The following LPP variants were observed in gnomAD, a reference collection of about 807,000 sequenced individuals.
LPP encodes LIM domain containing preferred translocation partner in lipoma.
Under a neutral mutation model 60.4 loss-of-function variants are expected in LPP, and 38 were observed. The ratio of observed to expected loss-of-function variants is 0.63; its 90% confidence interval spans 0.49 to 0.83. The LOEUF (loss-of-function observed/expected upper bound fraction) is 0.83. LPP is among the 40% of genes least tolerant of loss of function. The probability of loss-of-function intolerance (pLI) is 0.00; values close to 1 mark genes in which losing one functional copy is unlikely to be tolerated. For missense variants in LPP, 902 were observed against 783.6 expected, an observed-to-expected ratio of 1.15 and a Z score of -1.80; for synonymous variants, 328 against 290.8, an observed-to-expected ratio of 1.13 and a Z score of -1.30.
intron 9 of LPP, among the ~76,000 whole-genome samples, chr3:188,768,521 G>C (rs1309072362): frequency 6.6e-6 from 1 of 152,030 alleles, no homozygotes; most frequent in East Asian, 1.9e-4. Flanking sequence ...AGAAAAACTA[G>C]TAATCTCCAT....
At chr3:188,608,600 T>A (rs1006333083) in intron 6 of LPP, among the ~76,000 whole-genome samples, 1 of 152,220 alleles carries the variant, frequency 6.6e-6, no homozygotes, top group Non-Finnish European at 1.5e-5. Flanking sequence ...AAATTAGGAA[T>A]TGTAATGCCT....
intron 8 of LPP, among the ~76,000 whole-genome samples, chr3:188,722,493 T>A (rs539180034): frequency 6.6e-6 from 1 of 152,314 alleles, no homozygotes; most frequent in South Asian, 2.1e-4. Context: ...GTGTAAGTCA[T>A]CTTTTCTGTG....
intron 5 of LPP, among the ~76,000 whole-genome samples, chr3:188,493,539 C>A (rs1809004796): frequency 2.0e-5 from 3 of 151,990 alleles, no homozygotes; most frequent in Admixed American, 2.0e-4. Flanking sequence ...GGTGATCCTC[C>A]TGCCTCAACC....
intron 2 of LPP, among the ~76,000 whole-genome samples, chr3:188,236,545 A>G (rs989856302): frequency 2.0e-5 from 3 of 152,202 alleles, no homozygotes; most frequent in African/African-American, 7.2e-5. Flanking sequence ...AGTAAGACAT[A>G]CATGAGAGAT....
chr3:188,355,832 C>T (rs202112557), intron 3 of LPP, among the ~76,000 whole-genome samples: 5 of 152,160 alleles, frequency 3.3e-5, no homozygotes, highest in Non-Finnish European at 7.4e-5. Context: ...GCTCAACACT[C>T]TCGTAGGCTC....
intron 1 of LPP, among the ~76,000 whole-genome samples, chr3:188,196,621 A>G (rs937622864): frequency 2.0e-5 from 3 of 152,142 alleles, no homozygotes; most frequent in Admixed American, 6.5e-5. Flanking sequence ...TTCCTGAGTG[A>G]TATTCCAAAA....
At chr3:188,679,956 A>G (rs933549969) in intron 7 of LPP, among the ~76,000 whole-genome samples, 4 of 152,046 alleles carry the variant, frequency 2.6e-5, no homozygotes, top group Admixed American at 2.0e-4. Flanking sequence ...ACTACCTTCT[A>G]AAGTTCATTG....
At chr3:188,590,372 C>T (rs1011929986) in intron 6 of LPP, among the ~76,000 whole-genome samples, 3 of 152,012 alleles carry the variant, frequency 2.0e-5, no homozygotes, top group African/African-American at 7.2e-5. Flanking sequence ...CAGGAGTTTG[C>T]GACCAGCCTG....
intron 7 of LPP, among the ~76,000 whole-genome samples, chr3:188,696,451 G>A (rs976981487): frequency 2.0e-5 from 3 of 151,934 alleles, no homozygotes; most frequent in Non-Finnish European, 4.4e-5. Flanking sequence ...TGGGCAACAC[G>A]GTGAAACCCT....
chr3:188,699,257 G>C (rs567800592), intron 7 of LPP, among the ~76,000 whole-genome samples: 2 of 152,182 alleles, frequency 1.3e-5, no homozygotes, highest in Non-Finnish European at 2.9e-5. Context: ...TGGAGACGGA[G>C]AGAGGTGGGT....
intron 9 of LPP, among the ~76,000 whole-genome samples, chr3:188,825,265 C>CTGTG (rs1324379943): frequency 1.1e-4 from 11 of 100,620 alleles, no homozygotes; most frequent in African/African-American, 3.0e-4. Context: ...CTCTCTCTCT[C>CTGTG]TCTCTGTGTG....
At chr3:188,156,078 CA>C (rs1716300384) in intron 1 of LPP, among the ~76,000 whole-genome samples, 1 of 152,108 alleles carries the variant, frequency 6.6e-6, no homozygotes, top group South Asian at 2.1e-4. Flanking sequence ...TTAATTTCTA[CA>C]ATGCAGGCCC....
At chr3:188,374,251 A>C (rs1273696385) in intron 3 of LPP, among the ~76,000 whole-genome samples, 1 of 152,050 alleles carries the variant, frequency 6.6e-6, no homozygotes, top group East Asian at 1.9e-4. Flanking sequence ...GAAGAAAGTC[A>C]TTGGTAGCTT....
At chr3:188,430,331 G>T (rs984521236) in intron 4 of LPP, among the ~76,000 whole-genome samples, 6 of 151,964 alleles carry the variant, frequency 3.9e-5, no homozygotes, top group Non-Finnish European at 7.4e-5. Context: ...GGCTTATATT[G>T]TACATGGGTT....
At chr3:188,184,087 C>T (rs1725878540) in intron 1 of LPP, among the ~76,000 whole-genome samples, 1 of 152,132 alleles carries the variant, frequency 6.6e-6, no homozygotes, top group Non-Finnish European at 1.5e-5. Flanking sequence ...ATTTGACTGG[C>T]CATCGCAGTG....
rs368980609 is a variant in LPP, at chr3:188,571,033, A to G, written c.430-38128A>G. Among the ~76,000 whole-genome samples, 4 of 152,240 alleles carry G rather than the reference A, an allele frequency of 2.6e-5. No homozygotes were observed. The East Asian group carries it at 7.7e-4, about 29-fold the overall frequency. On this transcript the variant is annotated intron_variant, in intron 6 of 11. Coordinates refer to ENST00000617246, the MANE Select transcript of LPP (RefSeq NM_001375462.1). ...TCAAAGCTTTGTATTGTACCTCCCA[A>G]GTAATTGTTCAGTTGTGCTAACTGT...
At chr3:188,461,810 A>G (rs929891577) in intron 4 of LPP, among the ~76,000 whole-genome samples, 41 of 152,158 alleles carry the variant, frequency 2.7e-4, no homozygotes, top group African/African-American at 9.9e-4. Flanking sequence ...TTGCTATTCT[A>G]ACATTGGAAA....
intron 6 of LPP, among the ~76,000 whole-genome samples, chr3:188,554,663 A>T (rs1007972093): frequency 3.9e-5 from 6 of 152,172 alleles, no homozygotes; most frequent in African/African-American, 1.4e-4. Flanking sequence ...GTGACATATA[A>T]TATTTTACTT....
chr3:188,783,564 G>A (rs573073700), intron 9 of LPP, among the ~76,000 whole-genome samples: 1 of 22,216 alleles, frequency 4.5e-5, no homozygotes, highest in Non-Finnish European at 8.0e-5. Flanking sequence ...GAGGGTGGAG[G>A]GGGAGAGGAG....
Sources: allele counts gnomAD v4.1 joint callset (sites outside exome capture counted in the v4.1 genomes callset), GRCh38; gene constraint gnomAD v4.1.1; transcripts MANE v1.5; gene names NCBI Gene and HGNC (gene_info 2026-07-23, HGNC 2026-07-21).